Variants in HTR4 observed in about 807,000 individuals in gnomAD.
HTR4 encodes 5-hydroxytryptamine (serotonin) receptor 4, G protein-coupled.
HTR4 carries 16 observed loss-of-function variants against 36.8 expected under a neutral mutation model. The observed-to-expected ratio is 0.43, with a 90% CI of 0.29 to 0.66. The LOEUF (loss-of-function observed/expected upper bound fraction) is 0.66, where lower values mean the gene tolerates loss of function less well. Ranked by LOEUF, HTR4 falls within the 30% of genes least tolerant of loss-of-function variation. The pLI is 0.13. For synonymous variants in HTR4, 189 were observed against 185.1 expected (o/e 1.02, Z -0.17); for missense variants, 438 against 490.9 (o/e 0.89, Z 1.02).
intron 2 of HTR4, among the ~76,000 whole-genome samples, chr5:148,598,179 C>T (rs1004232235): frequency 2.0e-5 from 3 of 151,892 alleles, no homozygotes; most frequent in African/African-American, 7.3e-5. Flanking sequence ...TGAGGAGGAG[C>T]TGAGGGAAGG....
At chr5:148,587,480 G>A (rs1761390080) in intron 2 of HTR4, among the ~76,000 whole-genome samples, 2 of 152,090 alleles carry the variant, frequency 1.3e-5, no homozygotes, top group Admixed American at 6.5e-5. Flanking sequence ...AAAGAAAGCT[G>A]GGATGGCTGG....
At chr5:148,526,116 C>T (rs74606029) in intron 4 of HTR4, among the ~76,000 whole-genome samples, 5,345 of 152,264 alleles carry the variant, frequency 0.035, 120 homozygotes, top group African/African-American at 0.057. Flanking sequence ...TTATTTCAGA[C>T]TTCTAGCCTT....
At chr5:148,549,263 C>T (rs183560417) in intron 3 of HTR4, among the ~76,000 whole-genome samples, 1 of 152,258 alleles carries the variant, frequency 6.6e-6, no homozygotes, top group East Asian at 1.9e-4. Context: ...AGTCCTTGGT[C>T]GGGCATTCTC....
intron 2 of HTR4, among the ~76,000 whole-genome samples, chr5:148,569,241 G>A (rs1010101453): frequency 6.6e-6 from 1 of 151,938 alleles, no homozygotes; most frequent in Non-Finnish European, 1.5e-5. Context: ...CTAAAATAGA[G>A]CCATTAACAC....
At chr5:148,631,006 C>T (rs190734657) in intron 2 of HTR4, among the ~76,000 whole-genome samples, 6 of 152,228 alleles carry the variant, frequency 3.9e-5, no homozygotes, top group South Asian at 2.1e-4. Flanking sequence ...TATAGGATCA[C>T]GTATATGTAG....
At chr5:148,518,845 TTCCTGCAGGACTCTG>T (rs1757880947) in intron 5 of HTR4, among the ~76,000 whole-genome samples, 1 of 152,226 alleles carries the variant, frequency 6.6e-6, no homozygotes, top group Admixed American at 6.5e-5. Context: ...ACTTTTCCTC[TTCCTGCAGGACTCTG>T]CTCCAGCAAT....
intron 1 of HTR4, among the ~76,000 whole-genome samples, chr5:148,647,713 G>T (rs1753914454): frequency 1.3e-5 from 2 of 152,200 alleles, no homozygotes; most frequent in South Asian, 4.1e-4. Context: ...GCTGGGCGTG[G>T]TGTTGCATGC....
chr5:148,573,241 T>C (rs976364350), intron 2 of HTR4, among the ~76,000 whole-genome samples: 3 of 152,146 alleles, frequency 2.0e-5, no homozygotes, highest in African/African-American at 7.2e-5. Context: ...AATGCTGTAT[T>C]GAGAAGGTTT....
chr5:148,600,587 A>C (rs1761954756), intron 2 of HTR4, among the ~76,000 whole-genome samples: 1 of 151,760 alleles, frequency 6.6e-6, no homozygotes, highest in Non-Finnish European at 1.5e-5. Context: ...GTAAGAAACT[A>C]TCCAGAAAAA....
chr5:148,482,617 G>A lies in HTR4; in HGVS notation c.*586C>T. On this transcript the variant is annotated 3_prime_UTR_variant, in exon 7 of 7. Transcript: ENST00000377888. ...TGGGACTGACAAGGGGGCCAACCAAGAGGATGCACGTTTGGACCCAGACAC... is the reference window on the plus strand; with the variant it reads ...TGGGACTGACAAGGGGGCCAACCAAAAGGATGCACGTTTGGACCCAGACAC... 2 of 987,710 alleles carry A rather than the reference G, an allele frequency of 2.0e-6. No homozygotes were observed. The highest frequency in any genetic ancestry group is 1.7e-5 in the African/African-American group (1 of 57,394). The allele number at this position is 987,710 out of a possible 1,614,324, so 61.2% of individuals were successfully genotyped here. A position where few individuals can be genotyped will look rare whatever the true frequency, so the allele number is the denominator to read the frequency against.
intron 1 of HTR4, among the ~76,000 whole-genome samples, chr5:148,646,990 A>C (rs1753891895): frequency 1.3e-5 from 2 of 152,160 alleles, no homozygotes; most frequent in African/African-American, 2.4e-5. Context: ...TAGCTTCTCA[A>C]AGCTTCCAGA....
downstream of HTR4, among the ~76,000 whole-genome samples, chr5:148,474,395 C>G (rs1411315798): frequency 6.6e-6 from 1 of 152,040 alleles, no homozygotes; most frequent in Non-Finnish European, 1.5e-5. Context: ...GCATATGGGT[C>G]CCTATTTGTA....
At chr5:148,521,797 A>C (rs558912512) in intron 5 of HTR4, among the ~76,000 whole-genome samples, 1 of 152,222 alleles carries the variant, frequency 6.6e-6, no homozygotes, top group East Asian at 1.9e-4. Flanking sequence ...ACAGTGCTTC[A>C]GGAAATGAGA....
intron 1 of HTR4, among the ~76,000 whole-genome samples, chr5:148,651,236 T>C (rs762834026): frequency 6.6e-6 from 1 of 152,170 alleles, no homozygotes; most frequent in Non-Finnish European, 1.5e-5. Flanking sequence ...TTCCAAATGC[T>C]TCTCAACCTT....
At chr5:148,610,750 A>G (rs1198998840) in intron 2 of HTR4, among the ~76,000 whole-genome samples, 1 of 148,830 alleles carries the variant, frequency 6.7e-6, no homozygotes, top group African/African-American at 2.5e-5. Flanking sequence ...GGACATTCAA[A>G]CCAAAGGCAA....
At chr5:148,501,709 T>C (rs948861169) in intron 6 of HTR4, among the ~76,000 whole-genome samples, 1 of 152,152 alleles carries the variant, frequency 6.6e-6, no homozygotes, top group African/African-American at 2.4e-5. Context: ...TAGGCTACCC[T>C]TACTCTTATA....
In HTR4 at chr5:148,482,345, G is replaced by T. The variant is rs1755925605; in HGVS notation, c.*858C>A. 2.0e-6 allele frequency: 2 copies of T among 985,418 alleles called. No individual in the cohort carries two copies. The highest frequency in any genetic ancestry group is 6.1e-5 in the Admixed American group (1 of 16,266). 61.0% of individuals were successfully genotyped at this position (985,418 alleles called of 1,614,324 possible). A position where few individuals can be genotyped will look rare whatever the true frequency, so the allele number is the denominator to read the frequency against. ...CTAATAAACACCTACGATGTTGCTA[G>T]CCCTGCCCAAGGCTTTTTAGAAGAC... On this transcript the variant is annotated 3_prime_UTR_variant, in exon 7 of 7. Coordinates refer to ENST00000377888, the MANE Select transcript of HTR4 (RefSeq NM_000870.7).
chr5:148,583,611 CCATCATCATCAT>C (rs112185238), intron 2 of HTR4, among the ~76,000 whole-genome samples: 13 of 147,882 alleles, frequency 8.8e-5, no homozygotes, highest in Admixed American at 2.7e-4. Context: ...ATACTAATTG[CCATCATCATCAT>C]CATCATCATC....
intron 2 of HTR4, among the ~76,000 whole-genome samples, chr5:148,613,194 T>A (rs1322395711): frequency 6.6e-6 from 1 of 151,268 alleles, no homozygotes; most frequent in Non-Finnish European, 1.5e-5. Context: ...GCCAGCATCA[T>A]TCTGATATCA....
Sources: allele counts gnomAD v4.1 joint callset (sites outside exome capture counted in the v4.1 genomes callset), GRCh38; gene constraint gnomAD v4.1.1; transcripts MANE v1.5; gene names NCBI Gene and HGNC (gene_info 2026-07-23, HGNC 2026-07-21).